SFMBT1: variants seen among roughly 807,000 people sequenced by gnomAD.
SFMBT1 encodes scm-like with four MBT domains protein 1.
A neutral mutation model predicts 108.7 loss-of-function variants in SFMBT1; 32 were observed. That is an observed-to-expected ratio of 0.29 (90% CI 0.22 to 0.40). SFMBT1 has a LOEUF of 0.40. Ranked by LOEUF, SFMBT1 falls within the 10% of genes least tolerant of loss-of-function variation. The probability of loss-of-function intolerance (pLI) is 1.00; values close to 1 mark genes in which losing one functional copy is unlikely to be tolerated. For synonymous variants in SFMBT1, 348 were observed against 369.5 expected, an observed-to-expected ratio of 0.94 and a Z score of 0.67; for missense variants, 816 against 1,059.6, an observed-to-expected ratio of 0.77 and a Z score of 3.19.
intron 1 of SFMBT1, among the ~76,000 whole-genome samples, chr3:52,977,620 T>C (rs950651883): frequency 6.6e-6 from 1 of 152,194 alleles, no homozygotes; most frequent in Non-Finnish European, 1.5e-5. Context: ...TTAGTAAGCA[T>C]AAAGTTCATG....
chr3:52,965,981 G>A (rs1458256812), intron 2 of SFMBT1, among the ~76,000 whole-genome samples: 2 of 116,052 alleles, frequency 1.7e-5, no homozygotes, highest in Non-Finnish European at 3.4e-5. Flanking sequence ...ACTCCAGCCT[G>A]AGCGACAGAG....
At chr3:52,942,439 T>C (rs1001011579) in intron 4 of SFMBT1, among the ~76,000 whole-genome samples, 1 of 152,220 alleles carries the variant, frequency 6.6e-6, no homozygotes, top group Non-Finnish European at 1.5e-5. Context: ...TAATTTTCCA[T>C]ATGATTCTCA....
chr3:53,039,720 C>T (rs1207975146), intron 1 of SFMBT1, among the ~76,000 whole-genome samples: 1 of 152,154 alleles, frequency 6.6e-6, no homozygotes, highest in Non-Finnish European at 1.5e-5. Flanking sequence ...CTGCAACCCC[C>T]ACCTCCTGGG....
At chr3:53,004,932 C>T (rs1338375665) in intron 1 of SFMBT1, among the ~76,000 whole-genome samples, 2 of 152,138 alleles carry the variant, frequency 1.3e-5, no homozygotes, top group African/African-American at 2.4e-5. Flanking sequence ...TTAGAGGAGA[C>T]GTAAGTCAGA....
intron 3 of SFMBT1, among the ~76,000 whole-genome samples, chr3:52,951,485 T>G (rs200524723): frequency 1.3e-5 from 2 of 151,970 alleles, no homozygotes; most frequent in South Asian, 2.1e-4. Flanking sequence ...GGCATGATCT[T>G]GGCTCACTGC....
At chr3:53,042,056 TA>T (rs1700076251) in intron 1 of SFMBT1, among the ~76,000 whole-genome samples, 2 of 152,194 alleles carry the variant, frequency 1.3e-5, no homozygotes, top group Non-Finnish European at 2.9e-5. Context: ...TGGAAAATTA[TA>T]AGAGAAAAAA....
intron 1 of SFMBT1, among the ~76,000 whole-genome samples, chr3:53,006,409 T>A (rs1466698562): frequency 3.3e-5 from 5 of 152,080 alleles, no homozygotes; most frequent in African/African-American, 1.2e-4. Context: ...GGTGGGCAGA[T>A]CACGAGGTCA....
At chr3:53,016,547 T>C (rs1410883709) in intron 1 of SFMBT1, among the ~76,000 whole-genome samples, 1 of 152,198 alleles carries the variant, frequency 6.6e-6, no homozygotes, top group East Asian at 1.9e-4. Context: ...GTGTTTTAAT[T>C]TGCATCCCCC....
chr3:52,916,185 C>T lies in SFMBT1; in HGVS notation c.1445G>A (p.Gly482Asp). The change falls in exon 14 of 21, where the codon GGC becomes GAC. Residue 482 changes from glycine (G) to aspartate (D), a missense_variant. Coordinates refer to ENST00000394752, the MANE Select transcript of SFMBT1 (RefSeq NM_016329.4). The stretch of plus-strand genomic sequence containing the variant: ...GGAGTTCAGCTCCTGATTCCTCAGG[C>T]CCTCGTGGACAGTCCTCGAGGATGG... Reference protein sequence around the residue: ...QVPSSRTVHEGLRNQELNSTE... With the variant: ...QVPSSRTVHEDLRNQELNSTE... 1 of 1,614,010 alleles carries T rather than the reference C, an allele frequency of 6.2e-7. No homozygotes were observed. The highest frequency in any genetic ancestry group is 8.5e-7 in the Non-Finnish European group (1 of 1,179,990).
At chr3:53,023,724 C>T (rs867812812) in intron 1 of SFMBT1, among the ~76,000 whole-genome samples, 15 of 152,258 alleles carry the variant, frequency 9.9e-5, no homozygotes, top group Middle Eastern at 3.4e-3. Context: ...GTGAGAAATG[C>T]GGGTTTGTGG....
At chr3:53,041,954 G>C (rs1700072614) in intron 1 of SFMBT1, among the ~76,000 whole-genome samples, 1 of 152,034 alleles carries the variant, frequency 6.6e-6, no homozygotes, top group African/African-American at 2.4e-5. Context: ...CTGCCATAAG[G>C]AAGTTGTATC....
At chr3:52,980,371 C>T (rs1193843889) in intron 1 of SFMBT1, among the ~76,000 whole-genome samples, 1 of 152,092 alleles carries the variant, frequency 6.6e-6, no homozygotes, top group Non-Finnish European at 1.5e-5. Flanking sequence ...TCCACGTGGG[C>T]AATTCGTCTC....
intron 1 of SFMBT1, among the ~76,000 whole-genome samples, chr3:53,000,346 A>T (rs72965343): frequency 6.7e-6 from 1 of 148,822 alleles, no homozygotes; most frequent in African/African-American, 2.4e-5. Flanking sequence ...AACAAAGAGG[A>T]CTTAATGTCT....
intron 2 of SFMBT1, among the ~76,000 whole-genome samples, chr3:52,967,796 T>C (rs77994766): frequency 0.042 from 6,347 of 152,236 alleles, 189 homozygotes; most frequent in Middle Eastern, 0.082. Context: ...CCTATCAGAA[T>C]GGCTTAAACA....
At chr3:53,011,867 T>G (rs1456712019) in intron 1 of SFMBT1, among the ~76,000 whole-genome samples, 1 of 152,212 alleles carries the variant, frequency 6.6e-6, no homozygotes, top group Non-Finnish European at 1.5e-5. Context: ...ACCAGGCTGT[T>G]GTCAGATGAC....
rs1299550659 is a variant in SFMBT1 at position 52,999,035 on chromosome 3, C to CT, written c.-130-29778dup. Among the ~76,000 whole-genome samples, 6 of 150,792 alleles carry CT rather than the reference C, an allele frequency of 4.0e-5. 1 individual carries two copies. Among genetic ancestry groups the CT allele is most frequent in the Non-Finnish European group, 8.9e-5 (6 of 67,228 alleles). ...TCGGCCCCTCCATCTCCTCTTACCCCTTGTCATCCATGCGTAAGCCGGGGA... is the reference window on the plus strand; with the variant it reads ...TCGGCCCCTCCATCTCCTCTTACCCCTTTGTCATCCATGCGTAAGCCGGGGA... On this transcript the variant is annotated intron_variant, in intron 1 of 20. Coordinates refer to ENST00000394752, the MANE Select transcript of SFMBT1 (RefSeq NM_016329.4).
At chr3:52,975,569 GC>G (rs1704490158) in intron 1 of SFMBT1, among the ~76,000 whole-genome samples, 1 of 152,082 alleles carries the variant, frequency 6.6e-6, no homozygotes, top group South Asian at 2.1e-4. Flanking sequence ...GGTGACACAT[GC>G]CTGTAATCTC....
At chr3:52,985,188 T>C (rs1704863215) in intron 1 of SFMBT1, among the ~76,000 whole-genome samples, 2 of 152,210 alleles carry the variant, frequency 1.3e-5, no homozygotes, top group Admixed American at 6.5e-5. Context: ...ACACAAGCAC[T>C]GTCAAAACAT....
intron 2 of SFMBT1, among the ~76,000 whole-genome samples, chr3:52,961,064 T>C (rs980217942): frequency 6.6e-5 from 10 of 152,026 alleles, no homozygotes; most frequent in Admixed American, 4.6e-4. Context: ...ACTTGCAAGG[T>C]TGGGGCTACA....
Sources: gnomAD v4.1 joint callset for allele counts (sites outside exome capture counted in the v4.1 genomes callset) on GRCh38, gnomAD v4.1.1 for gene constraint, MANE v1.5 for transcripts, NCBI Gene and HGNC (gene_info 2026-07-23, HGNC 2026-07-21) for gene names.